BCOR: variants seen among roughly 807,000 people sequenced by gnomAD.
BCOR encodes the protein BCL6 corepressor, also known as BCL-6 corepressor.
BCOR carries 10 observed loss-of-function variants against 86.7 expected under a neutral mutation model. That is an observed-to-expected ratio of 0.12 (90% CI 0.07 to 0.20). BCOR has a LOEUF of 0.20. Among genes scored for constraint, BCOR ranks in the 10% least tolerant of loss-of-function variants. BCOR has a pLI of 1.00. For missense variants in BCOR, 1,259 were observed against 1,452.1 expected, an observed-to-expected ratio of 0.87 and a Z score of 2.16; for synonymous variants, 611 against 609.0, an observed-to-expected ratio of 1.00 and a Z score of -0.05.
intron 1 of BCOR, among the ~76,000 whole-genome samples, chrX:40,083,851 A>AATT (rs1440438771): frequency 8.9e-6 from 1 of 111,738 alleles, no homozygotes; most frequent in African/African-American, 3.3e-5. Context: ...GACCCTAGGT[A>AATT]ACCCCTCGGA....
At chrX:40,089,182 C>A (rs772558368) in intron 1 of BCOR, among the ~76,000 whole-genome samples, 200 of 111,613 alleles carry the variant, frequency 1.8e-3, no homozygotes, top group South Asian at 2.3e-3. Flanking sequence ...AGCAATTATT[C>A]ATCCTTGGGG....
intron 1 of BCOR, among the ~76,000 whole-genome samples, chrX:40,112,766 A>G (rs1002607587): frequency 3.8e-4 from 42 of 111,783 alleles, no homozygotes; most frequent in African/African-American, 1.4e-3. Flanking sequence ...GGGGCATTTA[A>G]TAAATGCCAG....
chrX:40,156,908 T>TA (rs1938308372), intron 1 of BCOR, among the ~76,000 whole-genome samples: 2 of 113,801 alleles, frequency 1.8e-5, no homozygotes, highest in Middle Eastern at 4.6e-3. Flanking sequence ...TCGTGCCGTT[T>TA]AAGGTTACCG....
rs1417962582 is a variant in BCOR, at chrX:40,073,085, C to T, written c.2261G>A (p.Arg754His). The change falls in exon 4 of 15, where the codon CGT becomes CAT. Residue 754 changes from arginine (R) to histidine (H), a missense_variant. By Grantham distance (29) the Arg-to-His change is conservative. This residue lies in a region of BCOR where 534 missense variants were observed against 594.8 expected (regional missense o/e 0.90). Transcript: ENST00000378444. Reference sequence around the variant, plus strand: ...ATTCCGGAGGGTTGGGTCCTCGTAACGGGCTCTCTCATGGGACCGGGATCT... The same window carrying T: ...ATTCCGGAGGGTTGGGTCCTCGTAATGGGCTCTCTCATGGGACCGGGATCT... ...ERRSRSHERA[R>H]YEDPTLRNRF... The T allele has an allele frequency of 5.0e-6, 6 of 1,210,325 alleles. No homozygotes were observed. Among genetic ancestry groups the T allele is most frequent in the South Asian group, 1.8e-5 (1 of 56,803 alleles).
intron 1 of BCOR, among the ~76,000 whole-genome samples, chrX:40,168,279 C>G (rs1938545981): frequency 8.8e-6 from 1 of 113,095 alleles, no homozygotes. Context: ...CGCGGAGCGC[C>G]GGACAGCTCC....
chrX:40,145,684 G>A (rs763852713), intron 1 of BCOR, among the ~76,000 whole-genome samples: 13 of 111,786 alleles, frequency 1.2e-4, no homozygotes, highest in Admixed American at 2.8e-4. Flanking sequence ...GTTTAAGAGC[G>A]GCTGGGGAGG....
At chrX:40,066,690 A>AT (rs1417012258) in intron 6 of BCOR, among the ~76,000 whole-genome samples, 1 of 111,937 alleles carries the variant, frequency 8.9e-6, no homozygotes, top group East Asian at 2.8e-4. Context: ...CAATGTAAAA[A>AT]TGTAAAGACT....
chrX:40,104,237 G>GTAGT (rs1937127138), intron 1 of BCOR, among the ~76,000 whole-genome samples: 1 of 111,651 alleles, frequency 9.0e-6, no homozygotes, highest in Non-Finnish European at 1.9e-5. Context: ...AACTAAACAG[G>GTAGT]TAGTTATACT....
rs774225795 is a variant in BCOR at position 40,073,104 on chromosome X, G to A, written c.2242C>T (p.Arg748Trp). 2.2e-5 allele frequency: 27 copies of A among 1,211,869 alleles called. No individual in the cohort carries two copies. Among genetic ancestry groups the A allele is most frequent in the East Asian group, 3.0e-5 (1 of 33,857 alleles). The change falls in exon 4 of 15, where the codon CGG becomes TGG. Residue 748 changes from arginine (R) to tryptophan (W), a missense_variant. Physicochemically the swap from Arg to Trp is moderately radical, Grantham distance 101. Transcript: ENST00000378444. ...TCGTAACGGGCTCTCTCATGGGACC[G>A]GGATCTCCTCTCTGGTTTCTCCTCT... Reference protein sequence around the residue: ...TKEEKPERRSRSHERARYEDP... With the variant: ...TKEEKPERRSWSHERARYEDP...
intron 2 of BCOR, 126 bp downstream of exon 2, chrX:40,077,718 G>C (rs1029223320): frequency 1.8e-6 from 1 of 566,371 alleles, no homozygotes; most frequent in Non-Finnish European, 3.0e-6. Flanking sequence ...AATCAAGAGC[G>C]GCCTACTAGG....
At chrX:40,169,328 A>T (rs779990121) in intron 1 of BCOR, among the ~76,000 whole-genome samples, 27 of 111,915 alleles carry the variant, frequency 2.4e-4, no homozygotes, top group Non-Finnish European at 3.8e-4. Flanking sequence ...TTCGAGTACA[A>T]CGCTATCGAC....
At chrX:40,146,598 C>T (rs958259665) in intron 1 of BCOR, 3 of 112,604 alleles carry the variant, frequency 2.7e-5, no homozygotes, top group African/African-American at 9.7e-5. Context: ...CAGCGATCAG[C>T]AGCTCTGCAC....
At chrX:40,058,464 T>C (rs950734285) in intron 10 of BCOR, among the ~76,000 whole-genome samples, 7 of 111,678 alleles carry the variant, frequency 6.3e-5, no homozygotes, top group Admixed American at 4.8e-4. Flanking sequence ...CAGCAGGCTC[T>C]CCTTTGTGAC....
At chrX:40,096,729 G>A (rs1232700209) in intron 1 of BCOR, among the ~76,000 whole-genome samples, 3 of 111,939 alleles carry the variant, frequency 2.7e-5, no homozygotes, top group Non-Finnish European at 5.7e-5. Flanking sequence ...GCGGCTGGGG[G>A]TTTTTACAGT....
intron 1 of BCOR, among the ~76,000 whole-genome samples, chrX:40,162,995 A>G (rs1041827267): frequency 2.7e-5 from 3 of 111,848 alleles, no homozygotes; most frequent in African/African-American, 9.8e-5. Context: ...AACACTATCC[A>G]TGCTGGATAT....
intron 1 of BCOR, among the ~76,000 whole-genome samples, chrX:40,172,940 G>A (rs967597214): frequency 8.8e-6 from 1 of 113,060 alleles, no homozygotes; most frequent in Non-Finnish European, 1.9e-5. Context: ...ATGCTATGCA[G>A]CTAGGTGGGC....
intron 1 of BCOR, among the ~76,000 whole-genome samples, chrX:40,154,865 C>G (rs1409570534): frequency 1.8e-5 from 2 of 112,713 alleles, no homozygotes; most frequent in Admixed American, 1.9e-4. Flanking sequence ...TGTTATTCCT[C>G]TTTTGCAGAT....
intron 1 of BCOR, among the ~76,000 whole-genome samples, chrX:40,175,709 C>A (rs1286472622): frequency 8.9e-6 from 1 of 112,908 alleles, no homozygotes; most frequent in Non-Finnish European, 1.9e-5. Context: ...GGTGCAGCGT[C>A]TGGGGACGCG....
At chrX:40,101,585 G>A (rs758872379), upstream of BCOR, among the ~76,000 whole-genome samples, 2 of 112,576 alleles carry the variant, frequency 1.8e-5, no homozygotes, top group South Asian at 3.6e-4. Flanking sequence ...GCCCTTCTAG[G>A]AGCAGGCCTT....
Sources: allele counts gnomAD v4.1 joint callset (sites outside exome capture counted in the v4.1 genomes callset), GRCh38; gene constraint gnomAD v4.1.1; regional missense constraint gnomAD v4.1.1; transcripts MANE v1.5; gene names NCBI Gene and HGNC (gene_info 2026-07-23, HGNC 2026-07-21).